The following TTC6 variants were observed in gnomAD, a reference collection of about 807,000 sequenced individuals.
TTC6 encodes tetratricopeptide repeat protein 6.
TTC6 carries 172 observed loss-of-function variants against 210.4 expected under a neutral mutation model. The ratio of observed to expected loss-of-function variants is 0.82; its 90% CI spans 0.72 to 0.93. The LOEUF is 0.93. TTC6 is among the 40% of genes least tolerant of loss of function. TTC6 has a pLI of 0.00. For missense variants in TTC6, 2,414 were observed against 2,318.1 expected (o/e 1.04, Z -0.85); for synonymous variants, 804 against 819.6 (o/e 0.98, Z 0.32).
chr14:37,714,769 A>T, exon 6 of TTC6: 1 of 1,535,502 alleles, frequency 6.5e-7, no homozygotes, highest in African/African-American at 1.4e-5. Context: ...GTGCTCACAA[A>T]CCACACTTGG....
intron 15 of TTC6, 33 bp downstream of exon 17, chr14:37,787,670 C>A: frequency 7.2e-7 from 1 of 1,391,828 alleles, no homozygotes; most frequent in Non-Finnish European, 9.4e-7. Flanking sequence ...TATATAGCAA[C>A]CCAATCTGAG....
rs993463882 is a variant in TTC6, at chr14:37,598,286, G to A, written c.-235+2278G>A. On this transcript the variant is annotated intron_variant, in intron 1 of 2. Coordinates refer to the TTC6 transcript ENST00000556845. The surrounding 1 kb of genome is among the most constrained non-coding windows in gnomAD (Gnocchi z 4.9). The stretch of plus-strand genomic sequence containing the variant: ...GGGCAGGCACGTGGCGGCTCCTGCG[G>A]TGTCCCGGGTTAAACTTGCCTGTGT... Among the ~76,000 whole-genome samples, 1 of 152,204 alleles carries A rather than the reference G, an allele frequency of 6.6e-6. No homozygotes were observed. The highest frequency in any genetic ancestry group is 2.4e-5 in the African/African-American group (1 of 41,468).
chr14:37,694,826 G>A (rs1028400553), intron 3 of TTC6, among the ~76,000 whole-genome samples: 4 of 151,202 alleles, frequency 2.6e-5, no homozygotes, highest in Non-Finnish European at 5.9e-5. Context: ...TAGATTGCTT[G>A]AGCTCAGGAG....
exon 10 of TTC6, chr14:37,738,859 A>G (rs1321746706): frequency 6.5e-7 from 1 of 1,534,920 alleles, no homozygotes; most frequent in Non-Finnish European, 8.7e-7. Flanking sequence ...GCAGTATAAA[A>G]GAGGTTATGT....
At chr14:37,658,771 TA>T (rs1294735831) in intron 1 of TTC6, among the ~76,000 whole-genome samples, 2 of 152,220 alleles carry the variant, frequency 1.3e-5, no homozygotes, top group Non-Finnish European at 2.9e-5. Context: ...AAAAAGCCTT[TA>T]AAAATTTTTT....
chr14:37,788,872 C>T (rs2096073388), intron 15 of TTC6, among the ~76,000 whole-genome samples: 2 of 152,136 alleles, frequency 1.3e-5, no homozygotes, highest in South Asian at 4.1e-4. Context: ...GCTCTATCAG[C>T]CCTATCCATC....
At chr14:37,735,330 C>G (rs749271680) in intron 7 of TTC6, among the ~76,000 whole-genome samples, 34 of 152,174 alleles carry the variant, frequency 2.2e-4, no homozygotes, top group Non-Finnish European at 4.6e-4. Flanking sequence ...ACCCGGGTGT[C>G]GAATTTAGGT....
At position 37,714,034 on chromosome 14, in the gene TTC6, TACA is replaced by T. The variant is rs559096914; in HGVS notation, c.1572-619_1572-617del. On this transcript the variant is annotated intron_variant, in intron 5 of 30. Coordinates refer to ENST00000553443, the Ensembl canonical transcript of TTC6. Reference sequence around the variant, plus strand: ...TTTATTTTACAGTTAAGTGTTATAATACAAAAGTTAATGTATTTTTAAGCCAGT... The same window carrying T: ...TTTATTTTACAGTTAAGTGTTATAATAAAGTTAATGTATTTTTAAGCCAGT... 1.6e-3 allele frequency among the ~76,000 whole-genome samples: 249 copies of T among 152,350 alleles called. 1 individual carries two copies. Among genetic ancestry groups the T allele is most frequent in the African/African-American group, 5.7e-3 (238 of 41,598 alleles).
chr14:37,720,583 A>G (rs1475159572), intron 6 of TTC6: 2 of 151,314 alleles, frequency 1.3e-5, no homozygotes, highest in Admixed American at 6.6e-5. Context: ...AAAAAAACTC[A>G]AACAGGAAAC....
chr14:37,835,801 G>A (rs1170162967), intron 29 of TTC6, among the ~76,000 whole-genome samples: 2 of 152,182 alleles, frequency 1.3e-5, no homozygotes, highest in African/African-American at 4.8e-5. Context: ...TTCAAAATGA[G>A]ATCTTGAGTC....
intron 1 of TTC6, among the ~76,000 whole-genome samples, chr14:37,604,789 C>T (rs1311673516): frequency 1.3e-5 from 2 of 152,154 alleles, no homozygotes; most frequent in African/African-American, 2.4e-5. Context: ...CTCTTGATTT[C>T]ACTTAGACAC....
intron 5 of TTC6, among the ~76,000 whole-genome samples, chr14:37,702,044 T>C (rs561715523): frequency 1.4e-3 from 217 of 152,232 alleles, no homozygotes; most frequent in Non-Finnish European, 1.4e-3. Context: ...GAGTATATAA[T>C]TTATAGCATC....
At chr14:37,687,811 A>G (rs2095796782) in intron 3 of TTC6, among the ~76,000 whole-genome samples, 1 of 152,098 alleles carries the variant, frequency 6.6e-6, no homozygotes, top group Admixed American at 6.6e-5. Flanking sequence ...ATACCAGTTG[A>G]GGGCCTTGGG....
At chr14:37,744,144 A>G (rs2095929035) in intron 10 of TTC6, among the ~76,000 whole-genome samples, 2 of 152,208 alleles carry the variant, frequency 1.3e-5, no homozygotes, top group Admixed American at 1.3e-4. Context: ...CATAGTAGGA[A>G]TTCAGCAACA....
At chr14:37,782,033 TGTA>T (rs1455396988) in intron 14 of TTC6, among the ~76,000 whole-genome samples, 8 of 152,172 alleles carry the variant, frequency 5.3e-5, no homozygotes, top group African/African-American at 1.9e-4. Flanking sequence ...ACTGTAGCCT[TGTA>T]GTATAGTTTG....
At chr14:37,703,313 G>A (rs745518123) in intron 5 of TTC6, among the ~76,000 whole-genome samples, 15 of 151,956 alleles carry the variant, frequency 9.9e-5, no homozygotes, top group South Asian at 4.1e-4. Flanking sequence ...GTCAATAAAT[G>A]TTCTATTTGA....
exon 1 of TTC6, chr14:37,622,449 C>G (rs989197226): frequency 1.3e-6 from 2 of 1,535,046 alleles, no homozygotes; most frequent in Non-Finnish European, 1.7e-6. Flanking sequence ...CGCGTTCCTA[C>G]GGCACCAGGC....
intron 1 of TTC6, among the ~76,000 whole-genome samples, chr14:37,628,686 G>A (rs529221387): frequency 5.3e-5 from 8 of 152,206 alleles, no homozygotes; most frequent in East Asian, 3.9e-4. Flanking sequence ...TTGCCCATGC[G>A]TATGTCCTGA....
chr14:37,598,077 G>T lies in TTC6; in HGVS notation c.-235+2069G>T, dbSNP rs377392995. Among the ~76,000 whole-genome samples, 5 of 152,216 alleles carry T rather than the reference G, an allele frequency of 3.3e-5. No homozygotes were observed. Among genetic ancestry groups the T allele is most frequent in the African/African-American group, 1.2e-4 (5 of 41,454 alleles). ...CATAAAGTAATGCTGCTGTCTGGGA[G>T]TTGCTGGCCAGTCGGTAGCCAGGTC... On this transcript the variant is annotated intron_variant, in intron 1 of 2. Coordinates refer to the TTC6 transcript ENST00000556845. The surrounding 1 kb of genome is among the most constrained non-coding windows in gnomAD (Gnocchi z 4.9).
Sources: gnomAD v4.1 joint callset for allele counts (sites outside exome capture counted in the v4.1 genomes callset) on GRCh38, gnomAD v4.1.1 for gene constraint, Gnocchi (gnomAD v3.1) non-coding constraint, MANE v1.5 for transcripts, NCBI Gene and HGNC (gene_info 2026-07-23, HGNC 2026-07-21) for gene names.